The following PCDHGA5 variants were observed in gnomAD, a reference collection of about 807,000 sequenced individuals.
PCDHGA5 encodes the protein protocadherin gamma subfamily A, 5.
PCDHGA5 carries 36 observed loss-of-function variants against 56.7 expected under a neutral mutation model. The observed-to-expected ratio is 0.64, with a 90% confidence interval of 0.49 to 0.84. The LOEUF (loss-of-function observed/expected upper bound fraction) is 0.84, where lower values mean the gene tolerates loss of function less well. Among genes scored for constraint, PCDHGA5 ranks in the 40% least tolerant of loss-of-function variants. The pLI is 0.00. For synonymous variants in PCDHGA5, 563 were observed against 520.2 expected, an observed-to-expected ratio of 1.08 and a Z score of -1.12; for missense variants, 1,305 against 1,201.5, an observed-to-expected ratio of 1.09 and a Z score of -1.27.
chr5:141,400,694 C>G, intron 1 of PCDHGA5: 2 of 763,776 alleles, frequency 2.6e-6, no homozygotes, highest in Non-Finnish European at 4.2e-6. Flanking sequence ...GTTTTTATGT[C>G]GCATAAAAGA....
rs2099643895 is a variant in PCDHGA5 at position 141,487,385 on chromosome 5, C to T, written c.2422-7422C>T. 1.9e-6 allele frequency: 3 copies of T among 1,614,160 alleles called. No homozygotes were observed. The highest frequency in any genetic ancestry group is 1.1e-5 in the South Asian group (1 of 91,086). On this transcript the variant is annotated intron_variant, in intron 1 of 3. Transcript: ENST00000518069. This position sits in a 1 kb window ranked among gnomAD's most constrained non-coding sequence, Gnocchi z 5.0. Reference sequence around the variant, plus strand: ...CACCTGTGCCTGTCTCACCAGATCTCGAAGGAGGGAGGGGCTTCCCCCTTC... The same window carrying T: ...CACCTGTGCCTGTCTCACCAGATCTTGAAGGAGGGAGGGGCTTCCCCCTTC...
rs367919924 is a variant in PCDHGA5, at chr5:141,487,711, T to A, written c.2422-7096T>A. The A allele has an allele frequency of 1.1e-5, 18 of 1,586,144 alleles. No individual in the cohort carries two copies. In the African/African-American group the frequency reaches 2.1e-4, roughly 19 times the overall value. On this transcript the variant is annotated intron_variant, in intron 1 of 3. Transcript: ENST00000518069. The surrounding 1 kb of genome is among the most constrained non-coding windows in gnomAD (Gnocchi z 5.0). ...TAGAGAGTACTGGCCTCTCAGTAAG[T>A]GCCCATAGTGATGTCACCATTTTTG...
At position 141,511,855 on chromosome 5, in the gene PCDHGA5, ATTGT is replaced by A. The variant is rs2099883980; in HGVS notation, c.*686_*689del. ...GGACCAGTCTTCTGTTTTGTTTTTCATTGTTTGACGTTTCCACTGCATGCCTTGA... is the reference window on the plus strand; with the variant it reads ...GGACCAGTCTTCTGTTTTGTTTTTCATTGACGTTTCCACTGCATGCCTTGA... On this transcript the variant is annotated 3_prime_UTR_variant, in exon 4 of 4. Coordinates refer to ENST00000518069, the MANE Select transcript of PCDHGA5 (RefSeq NM_018918.3). 1 of 156,316 alleles carries A rather than the reference ATTGT, an allele frequency of 6.4e-6. No individual in the cohort carries two copies. Among genetic ancestry groups the A allele is most frequent in the South Asian group, 2.0e-4 (1 of 5,082 alleles). The allele number at this position is 156,316 out of a possible 1,614,324, so 9.7% of individuals were successfully genotyped here.
intron 1 of PCDHGA5, chr5:141,384,896 A>G (rs1588983120): frequency 1.2e-6 from 2 of 1,613,766 alleles, no homozygotes; most frequent in African/African-American, 1.3e-5. Flanking sequence ...GCTGTGGCTG[A>G]CAGCATCCCC....
In PCDHGA5 at chr5:141,511,540, C is replaced by CTA; in HGVS notation, c.*367_*368insTA. ...ATCCCATGCCTCCCTCCTCCCCACC[C>CTA]CACTCCAACAGTTCCTCTTTCCCGA... On this transcript the variant is annotated 3_prime_UTR_variant, in exon 4 of 4. Transcript: ENST00000518069. 3.0e-6 allele frequency: 1 copy of CTA among 328,024 alleles called. No individual in the cohort carries two copies. Among genetic ancestry groups the CTA allele is most frequent in the South Asian group, 3.2e-5 (1 of 31,610 alleles). 20.3% of individuals were successfully genotyped at this position (328,024 alleles called of 1,614,324 possible). A position where few individuals can be genotyped will look rare whatever the true frequency, so the allele number is the denominator to read the frequency against.
chr5:141,505,528 C>T (rs746609783), intron 3 of PCDHGA5, 47 bp downstream of exon 3: 4 of 1,612,320 alleles, frequency 2.5e-6, no homozygotes, highest in Non-Finnish European at 3.4e-6. Context: ...ACCTGGGGTT[C>T]TGGGGTGCAT....
At chr5:141,495,984 ATC>A (rs2099765081) in intron 2 of PCDHGA5, among the ~76,000 whole-genome samples, 1 of 149,246 alleles carries the variant, frequency 6.7e-6, no homozygotes, top group East Asian at 2.0e-4. Context: ...CTCTTTCTTT[ATC>A]TCTCTTTTTC....
chr5:141,476,029 A>G lies in PCDHGA5; in HGVS notation c.2422-18778A>G, dbSNP rs975943706. The G allele has an allele frequency of 2.3e-5, 34 of 1,455,312 alleles. No homozygotes were observed. The highest frequency in any genetic ancestry group is 1.1e-4 in the African/African-American group (8 of 70,728). 90.1% of individuals were successfully genotyped at this position (1,455,312 alleles called of 1,614,324 possible). A position where few individuals can be genotyped will look rare whatever the true frequency, so the allele number is the denominator to read the frequency against. On this transcript the variant is annotated intron_variant, in intron 1 of 3. Transcript: ENST00000518069. The surrounding 1 kb of genome is among the most constrained non-coding windows in gnomAD (Gnocchi z 7.6). The stretch of plus-strand genomic sequence containing the variant: ...GAAAGCCATGTCGGACTCGGCGCCC[A>G]GCGCCCAAGCGCTAACCCGCTGAAA...
intron 1 of PCDHGA5, chr5:141,405,031 CGTT>C: frequency 6.2e-7 from 1 of 1,613,968 alleles, no homozygotes; most frequent in Admixed American, 1.7e-5. Flanking sequence ...CCCTCTACCT[CGTT>C]GTGGCTGTGG....
intron 1 of PCDHGA5, chr5:141,395,266 T>C (rs1369566717): frequency 1.9e-6 from 3 of 1,548,854 alleles, no homozygotes; most frequent in Non-Finnish European, 8.7e-7. Context: ...TTGCTTTTAA[T>C]TTCCAGATGA....
intron 1 of PCDHGA5, among the ~76,000 whole-genome samples, chr5:141,482,985 C>T (rs971017271): frequency 1.3e-5 from 2 of 151,372 alleles, no homozygotes; most frequent in East Asian, 1.9e-4. Context: ...CTTGAGAGGT[C>T]GAGGCAGGAG....
chr5:141,474,819 G>A (rs1180279468), intron 1 of PCDHGA5, among the ~76,000 whole-genome samples: 1 of 152,190 alleles, frequency 6.6e-6, no homozygotes, highest in Non-Finnish European at 1.5e-5. Flanking sequence ...CATTAATTGA[G>A]GCTTACTCTG....
At chr5:141,423,660 G>A (rs765304048) in intron 1 of PCDHGA5, 1 of 1,560,482 alleles carries the variant, frequency 6.4e-7, no homozygotes, top group Admixed American at 1.9e-5. Flanking sequence ...CAAGTAATCA[G>A]GTGAGATTTA....
intron 1 of PCDHGA5, among the ~76,000 whole-genome samples, chr5:141,437,741 C>CTTT (rs35124340): frequency 4.2e-5 from 6 of 141,750 alleles, no homozygotes; most frequent in Admixed American, 7.0e-5. Flanking sequence ...TTGAGTTCAC[C>CTTT]TTTTTTTTTT....
At chr5:141,433,056 G>A (rs1422450948) in intron 1 of PCDHGA5, 1 of 1,614,204 alleles carries the variant, frequency 6.2e-7, no homozygotes, top group South Asian at 1.1e-5. Context: ...TCGCGGAAGA[G>A]TCACCTGATC....
intron 1 of PCDHGA5, 100 bp from the exon 2 acceptor site, chr5:141,494,707 G>A: frequency 2.5e-6 from 4 of 1,599,238 alleles, no homozygotes; most frequent in Non-Finnish European, 3.4e-6. Context: ...TCTTCTCTGT[G>A]CCCACTCCCC....
intron 1 of PCDHGA5, chr5:141,372,633 A>G: frequency 6.2e-7 from 1 of 1,613,996 alleles, no homozygotes; most frequent in South Asian, 1.1e-5. Context: ...CAGCGAAAGG[A>G]CTTTGCCTTA....
chr5:141,426,307 A>G (rs958090236), intron 1 of PCDHGA5: 2 of 172,782 alleles, frequency 1.2e-5, no homozygotes, highest in African/African-American at 4.7e-5. Context: ...GGTGAAGCAG[A>G]GAAGCAGGAC....
chr5:141,408,157 T>C (rs748693406), intron 1 of PCDHGA5: 70 of 1,514,372 alleles, frequency 4.6e-5, no homozygotes, highest in Non-Finnish European at 5.9e-5. Flanking sequence ...AGAGTGCACT[T>C]TCTCCAACTG....
Sources: allele counts gnomAD v4.1 joint callset (sites outside exome capture counted in the v4.1 genomes callset), GRCh38; gene constraint gnomAD v4.1.1; non-coding constraint Gnocchi (gnomAD v3.1); transcripts MANE v1.5; gene names NCBI Gene and HGNC (gene_info 2026-07-23, HGNC 2026-07-21).